Variants in CR1L observed in about 807,000 individuals in gnomAD.
The protein encoded by CR1L is complement component receptor 1-like protein.
Under a neutral mutation model 62.3 loss-of-function variants are expected in CR1L, and 59 were observed. That is an observed-to-expected ratio of 0.95 (90% CI 0.77 to 1.18). The LOEUF (loss-of-function observed/expected upper bound fraction) is 1.18, where lower values mean the gene tolerates loss of function less well. Among genes scored for constraint, CR1L ranks in the 50% most tolerant of loss-of-function variants. The pLI is 0.00. For missense variants in CR1L, 700 were observed against 702.8 expected (o/e 1.00, Z 0.04); for synonymous variants, 279 against 248.7 (o/e 1.12, Z -1.15).
intron 9 of CR1L, among the ~76,000 whole-genome samples, chr1:207,705,871 C>A (rs1489023886): frequency 3.3e-5 from 5 of 151,896 alleles, no homozygotes; most frequent in Admixed American, 6.6e-5. Flanking sequence ...AGAACACTCT[C>A]CTTTTCCTAT....
At chr1:207,648,664 C>G (rs988682916) in intron 1 of CR1L, among the ~76,000 whole-genome samples, 2 of 152,160 alleles carry the variant, frequency 1.3e-5, no homozygotes, top group African/African-American at 4.8e-5. Context: ...CCCCGATCTC[C>G]TGTTGTGTGT....
intron 9 of CR1L, among the ~76,000 whole-genome samples, chr1:207,703,766 C>T (rs1038792063): frequency 6.6e-6 from 1 of 152,138 alleles, no homozygotes; most frequent in African/African-American, 2.4e-5. Context: ...ACCAGCCTGG[C>T]CAACATAGTG....
intron 4 of CR1L, among the ~76,000 whole-genome samples, chr1:207,686,088 CTCCCTCCT>C (rs1663899957): frequency 7.4e-5 from 4 of 54,000 alleles, no homozygotes; most frequent in Non-Finnish European, 8.4e-5. Context: ...CCCTCCCTTC[CTCCCTCCT>C]TTCCTTCCTT....
intron 3 of CR1L, among the ~76,000 whole-genome samples, chr1:207,682,214 T>C (rs1052898952): frequency 3.4e-5 from 5 of 146,526 alleles, no homozygotes; most frequent in Non-Finnish European, 6.0e-5. Flanking sequence ...CTCATGCGTG[T>C]AATCCCAGCA....
At chr1:207,712,289 T>C (rs1422248016) in intron 10 of CR1L, among the ~76,000 whole-genome samples, 2 of 152,196 alleles carry the variant, frequency 1.3e-5, no homozygotes. Flanking sequence ...AATACCTCCC[T>C]AGGAAATATG....
chr1:207,695,489 C>A (rs866166947), intron 5 of CR1L, among the ~76,000 whole-genome samples: 7 of 152,106 alleles, frequency 4.6e-5, no homozygotes, highest in South Asian at 2.1e-4. Context: ...AAGATATTAA[C>A]TTGCAGACTG....
rs542726044 is a variant in CR1L at position 207,675,371 on chromosome 1, A to G, written c.98-2018A>G. Among the ~76,000 whole-genome samples the G allele has an allele frequency of 2.0e-5, 3 of 152,334 alleles. No homozygotes were observed. In the East Asian group the frequency reaches 5.8e-4, roughly 29 times the overall value. On this transcript the variant is annotated intron_variant, in intron 1 of 11. Transcript: ENST00000508064. ...TGGGTGCGTTCAGGGTGGTATGGCC[A>G]TAGACAGGCCAGGGAAGGCTTCGAT...
In CR1L at chr1:207,697,560, A is replaced by G. The variant is rs771259459; in HGVS notation, c.920A>G (p.Asn307Ser). 1.9e-6 allele frequency: 3 copies of G among 1,613,656 alleles called. No individual in the cohort carries two copies. In the African/African-American group the frequency reaches 4.0e-5, roughly 22 times the overall value. The stretch of plus-strand genomic sequence containing the variant: ...GAGCGTACCCAAAGGGACAAGGACA[A>G]CTTTTCACCCGGGCAGGAAGTGTTC... The part of the protein sequence containing the change: ...HAERTQRDKD[N>S]FSPGQEVFYS... The change falls in exon 6 of 12, where the codon AAC becomes AGC. Residue 307 changes from asparagine (N) to serine (S), a missense_variant. Physicochemically the swap from Asn to Ser is conservative, Grantham distance 46 (BLOSUM62 1). Transcript: ENST00000508064.
At chr1:207,715,564 T>G (rs1299716268) in intron 10 of CR1L, among the ~76,000 whole-genome samples, 1 of 152,238 alleles carries the variant, frequency 6.6e-6, no homozygotes, top group East Asian at 1.9e-4. Context: ...TTTCTGACAT[T>G]TGTTACTAAT....
intron 1 of CR1L, among the ~76,000 whole-genome samples, chr1:207,654,229 A>C (rs1215569382): frequency 6.6e-6 from 1 of 151,964 alleles, no homozygotes; most frequent in Non-Finnish European, 1.5e-5. Context: ...ATAATATATA[A>C]ACAAAGTGAG....
intron 1 of CR1L, among the ~76,000 whole-genome samples, chr1:207,667,682 T>C (rs1297814661): frequency 6.6e-6 from 1 of 152,182 alleles, no homozygotes; most frequent in Non-Finnish European, 1.5e-5. Context: ...CTCATAATGA[T>C]TGTACACATT....
intron 11 of CR1L, among the ~76,000 whole-genome samples, chr1:207,722,618 A>C (rs1334699266): frequency 6.6e-6 from 1 of 152,160 alleles, no homozygotes. Context: ...GTTTGAAGTC[A>C]GGTAGTGTGA....
chr1:207,661,437 G>T (rs1466124768), intron 1 of CR1L, among the ~76,000 whole-genome samples: 1 of 152,156 alleles, frequency 6.6e-6, no homozygotes, highest in Non-Finnish European at 1.5e-5. Flanking sequence ...TTGGTTTAAA[G>T]TCTGTTTTAT....
rs186809244 is a variant in CR1L at position 207,653,194 on chromosome 1, C to T, written c.97+7864C>T. Reference sequence around the variant, plus strand: ...TTTGTAATGAGGGGTAAGTAAGTTCCTCCTTAGAGGAAATAAGGAAAATGT... The same window carrying T: ...TTTGTAATGAGGGGTAAGTAAGTTCTTCCTTAGAGGAAATAAGGAAAATGT... On this transcript the variant is annotated intron_variant, in intron 1 of 11. Coordinates refer to ENST00000508064, the MANE Select transcript of CR1L (RefSeq NM_175710.2). The T allele has an allele frequency of 1.0e-3, 160 of 158,976 alleles. 1 individual carries two copies. The highest frequency in any genetic ancestry group is 1.4e-3 in the Non-Finnish European group (98 of 71,424). The allele number at this position is 158,976 out of a possible 1,614,324, so 9.8% of individuals were successfully genotyped here.
chr1:207,678,483 T>C (rs1571515081), intron 3 of CR1L, among the ~76,000 whole-genome samples, 186 bp downstream of exon 3: 1 of 152,170 alleles, frequency 6.6e-6, no homozygotes. Context: ...GGGAAAATCA[T>C]CTGTATCCTT....
intron 10 of CR1L, among the ~76,000 whole-genome samples, chr1:207,717,109 G>A (rs926483914): frequency 7.2e-5 from 11 of 152,136 alleles, no homozygotes; most frequent in African/African-American, 2.7e-4. Context: ...AATTTTGTCT[G>A]TCTTGAACCT....
intron 5 of CR1L, among the ~76,000 whole-genome samples, chr1:207,696,507 CA>C (rs1251600998): frequency 2.6e-5 from 4 of 152,188 alleles, no homozygotes; most frequent in Non-Finnish European, 5.9e-5. Flanking sequence ...GAAATTTAAC[CA>C]GCACAGCACC....
chr1:207,709,333 G>A (rs1664317291), intron 10 of CR1L: 4 of 155,654 alleles, frequency 2.6e-5, no homozygotes, highest in African/African-American at 9.6e-5. Context: ...TTGAGCCAGA[G>A]AGGTCAAGGC....
intron 4 of CR1L, among the ~76,000 whole-genome samples, chr1:207,694,086 T>C (rs899694448): frequency 4.6e-5 from 7 of 152,186 alleles, no homozygotes; most frequent in African/African-American, 1.7e-4. Flanking sequence ...CTGTATAAAC[T>C]CTATAATACT....
Sources: allele counts gnomAD v4.1 joint callset (sites outside exome capture counted in the v4.1 genomes callset), GRCh38; gene constraint gnomAD v4.1.1; transcripts MANE v1.5; gene names NCBI Gene and HGNC (gene_info 2026-07-23, HGNC 2026-07-21).